The following HSPA4L variants were observed in gnomAD, a reference collection of about 807,000 sequenced individuals.
HSPA4L encodes heat shock 70 kDa protein 4L.
A neutral mutation model predicts 100.3 loss-of-function variants in HSPA4L; 48 were observed. The observed-to-expected ratio is 0.48, with a 90% CI of 0.38 to 0.61. The LOEUF (loss-of-function observed/expected upper bound fraction) is 0.61, where lower values mean the gene tolerates loss of function less well. HSPA4L is among the 20% of genes least tolerant of loss of function. The pLI, the probability that HSPA4L is intolerant of heterozygous loss-of-function variation, is 0.00. For missense variants in HSPA4L, 886 were observed against 988.6 expected (o/e 0.90, Z 1.39); for synonymous variants, 319 against 328.2 (o/e 0.97, Z 0.30).
intron 10 of HSPA4L, among the ~76,000 whole-genome samples, chr4:127,807,186 TATAGTA>T (rs2148788259): frequency 6.6e-6 from 1 of 152,102 alleles, no homozygotes; most frequent in East Asian, 1.9e-4. Context: ...CTTCCATACT[TATAGTA>T]ATAGGATGAT....
At chr4:127,826,401 GA>G (rs1263089142) in intron 16 of HSPA4L, among the ~76,000 whole-genome samples, 1 of 150,328 alleles carries the variant, frequency 6.7e-6, no homozygotes, top group Non-Finnish European at 1.5e-5. Context: ...TGTCCCAATG[GA>G]AAAAAAAAAT....
intron 13 of HSPA4L, among the ~76,000 whole-genome samples, chr4:127,819,819 G>A (rs1027316157): frequency 2.6e-5 from 4 of 152,062 alleles, no homozygotes; most frequent in African/African-American, 4.8e-5. Flanking sequence ...TTTTATGGCC[G>A]AATAATACGG....
intron 1 of HSPA4L, among the ~76,000 whole-genome samples, chr4:127,792,812 G>A (rs1732912835): frequency 6.6e-6 from 1 of 152,180 alleles, no homozygotes; most frequent in Admixed American, 6.5e-5. Context: ...GGATGGTGAG[G>A]ATAGGTGTTT....
intron 11 of HSPA4L, among the ~76,000 whole-genome samples, chr4:127,809,963 A>G (rs1056223658): frequency 1.3e-5 from 2 of 152,202 alleles, no homozygotes; most frequent in African/African-American, 4.8e-5. Flanking sequence ...ATCCTAAAAT[A>G]TTATTTCTGA....
intron 9 of HSPA4L, 92 bp downstream of exon 9, chr4:127,805,316 A>G: frequency 1.1e-6 from 1 of 889,424 alleles, no homozygotes; most frequent in Non-Finnish European, 1.7e-6. Flanking sequence ...TGTTCCATCC[A>G]CTTATCAATA....
chr4:127,811,771 A>G (rs2305957), intron 12 of HSPA4L, 135 bp downstream of exon 12: 434,419 of 642,734 alleles, frequency 0.68, 148,000 homozygotes, highest in Middle Eastern at 0.82. Flanking sequence ...GGGAATCTGT[A>G]TAAAGTCTTT....
chr4:127,803,742 C>T lies in HSPA4L; in HGVS notation c.777C>T (p.Asn259=). ...KTKYKINVKE[N]SRALLRLYQE... ...AATATAAGATAAATGTGAAAGAAAA[C>T]TCTCGGGCCTTGTTGCGTTTATATC... Residue 259 remains asparagine, a synonymous_variant, in exon 7 of 19, where the codon AAC becomes AAT. Transcript: ENST00000296464. 1 of 1,613,844 alleles carries T rather than the reference C, an allele frequency of 6.2e-7. No homozygotes were observed. Among genetic ancestry groups the T allele is most frequent in the South Asian group, 1.1e-5 (1 of 91,068 alleles).
At chr4:127,794,158 T>C (rs773082036) in intron 2 of HSPA4L, 24 bp downstream of exon 2, 2 of 1,590,448 alleles carry the variant, frequency 1.3e-6, no homozygotes, top group East Asian at 4.5e-5. Context: ...GTGGATGTTT[T>C]GACTTACAGG....
chr4:127,823,403 C>G (rs1733863151), intron 15 of HSPA4L, 114 bp from the exon 16 acceptor site: 8 of 672,502 alleles, frequency 1.2e-5, no homozygotes, highest in Non-Finnish European at 2.0e-5. Flanking sequence ...CCCACCTTGG[C>G]CTTTCAAAGT....
chr4:127,794,152 A>G lies in HSPA4L; in HGVS notation c.165+18A>G, dbSNP rs145440112. Reference sequence around the variant, plus strand: ...AGAGCCAGGTAAATTGTTAATGTGGATGTTTTGACTTACAGGAAGAATTAA... The same window carrying G: ...AGAGCCAGGTAAATTGTTAATGTGGGTGTTTTGACTTACAGGAAGAATTAA... On this transcript the variant is annotated intron_variant, in intron 2 of 18. Coordinates refer to ENST00000296464, the MANE Select transcript of HSPA4L (RefSeq NM_014278.4). 1.3e-6 allele frequency: 2 copies of G among 1,599,610 alleles called. No homozygotes were observed. Among genetic ancestry groups the G allele is most frequent in the Non-Finnish European group, 1.7e-6 (2 of 1,168,284 alleles).
chr4:127,782,334 C>T lies in HSPA4L; in HGVS notation c.-217C>T. On this transcript the variant is annotated 5_prime_UTR_variant, in exon 1 of 19. Coordinates refer to ENST00000296464, the MANE Select transcript of HSPA4L (RefSeq NM_014278.4). Reference sequence around the variant, plus strand: ...GCGGCCGAACCGCAGTAGGGAAAGACCCAGGCTGCGGGACGCGGTGCAGGC... The same window carrying T: ...GCGGCCGAACCGCAGTAGGGAAAGATCCAGGCTGCGGGACGCGGTGCAGGC... 1.8e-6 allele frequency: 1 copy of T among 546,000 alleles called. No individual in the cohort carries two copies. The highest frequency in any genetic ancestry group is 3.3e-6 in the Non-Finnish European group (1 of 306,024). The allele number at this position is 546,000 out of a possible 1,614,324, so 33.8% of individuals were successfully genotyped here.
chr4:127,821,431 C>T (rs1578718385), intron 14 of HSPA4L, among the ~76,000 whole-genome samples: 1 of 152,104 alleles, frequency 6.6e-6, no homozygotes, highest in African/African-American at 2.4e-5. Flanking sequence ...GGATTCTTAA[C>T]GTTTACATGT....
intron 9 of HSPA4L, 129 bp downstream of exon 9, chr4:127,805,353 GATAA>G: frequency 1.5e-6 from 1 of 670,970 alleles, no homozygotes; most frequent in South Asian, 2.9e-5. Context: ...AGTTATTTCT[GATAA>G]ATAAGTCTTA....
intron 6 of HSPA4L, 112 bp from the exon 7 acceptor site, chr4:127,803,517 G>T: frequency 8.9e-7 from 1 of 1,122,952 alleles, no homozygotes. Context: ...GATTGGACAA[G>T]TTTTTTTAGC....
chr4:127,798,757 G>A (rs750394523), intron 4 of HSPA4L, 48 bp downstream of exon 4: 2 of 1,534,078 alleles, frequency 1.3e-6, no homozygotes, highest in Non-Finnish European at 1.8e-6. Context: ...ATTTTACAGT[G>A]TATTAATGTA....
Position 127,820,704 on chromosome 4 carries a change from T to C in HSPA4L, c.1812+139T>C, listed in dbSNP as rs1733789102. 5.3e-6 allele frequency: 4 copies of C among 749,850 alleles called. No homozygotes were observed. In the South Asian group the frequency reaches 5.9e-5, roughly 11 times the overall value. The allele number at this position is 749,850 out of a possible 1,614,324, so 46.4% of individuals were successfully genotyped here. A position where few individuals can be genotyped will look rare whatever the true frequency, so the allele number is the denominator to read the frequency against. ...TATTAAGTAGATTACTAAACTATTT[T>C]TTACAAAATACTGAGCTGTTTTAAT... On this transcript the variant is annotated intron_variant, in intron 14 of 18. Transcript: ENST00000296464.
At chr4:127,822,955 A>G (rs762031875) in intron 15 of HSPA4L, 61 bp downstream of exon 15, 38 of 1,473,978 alleles carry the variant, frequency 2.6e-5, no homozygotes, top group Non-Finnish European at 3.4e-5. Flanking sequence ...CGAGAATGCT[A>G]GTACAAATTA....
chr4:127,823,594 A>C lies in HSPA4L; in HGVS notation c.2016A>C (p.Gln672His). Residue 672 changes from glutamine (Q) to histidine (H), a missense_variant, in exon 16 of 19, where the codon CAA becomes CAC. By Grantham distance (24) the Gln-to-His change is conservative (BLOSUM62 0). Transcript: ENST00000296464. ...LYEDGEDQPK[Q>H]VYVDKLQELK... ...AAGACGGAGAGGACCAACCTAAACA[A>C]GTTTATGTGGATAAGCTTCAAGAAC... is the stretch of plus-strand genomic sequence containing the variant. 2 of 1,612,898 alleles carry C rather than the reference A, an allele frequency of 1.2e-6. No homozygotes were observed. Among genetic ancestry groups the C allele is most frequent in the Non-Finnish European group, 1.7e-6 (2 of 1,178,906 alleles).
intron 13 of HSPA4L, among the ~76,000 whole-genome samples, chr4:127,819,124 C>T (rs1733747106): frequency 6.6e-6 from 1 of 151,942 alleles, no homozygotes; most frequent in Non-Finnish European, 1.5e-5. Context: ...CAGAATTAAC[C>T]ACTCTAATTA....
Sources: allele counts gnomAD v4.1 joint callset (sites outside exome capture counted in the v4.1 genomes callset), GRCh38; gene constraint gnomAD v4.1.1; transcripts MANE v1.5; gene names NCBI Gene and HGNC (gene_info 2026-07-23, HGNC 2026-07-21).